Variants in PPIL6 observed in about 807,000 individuals in gnomAD.
The protein encoded by PPIL6 is peptidylprolyl isomerase like 6.
A neutral mutation model predicts 36.8 loss-of-function variants in PPIL6; 39 were observed. That is an observed-to-expected ratio of 1.06 (90% CI 0.82 to 1.38). The LOEUF (loss-of-function observed/expected upper bound fraction) is 1.38, where lower values mean the gene tolerates loss of function less well. Among genes scored for constraint, PPIL6 ranks in the 40% most tolerant of loss-of-function variants. PPIL6 has a pLI of 0.00. For synonymous variants in PPIL6, 123 were observed against 134.1 expected (o/e 0.92, Z 0.57); for missense variants, 368 against 379.1 (o/e 0.97, Z 0.24).
chr6:109,420,100 G>A (rs575268694), intron 5 of PPIL6, among the ~76,000 whole-genome samples: 2 of 151,970 alleles, frequency 1.3e-5, no homozygotes, highest in African/African-American at 4.8e-5. Context: ...TTGGGAGGCC[G>A]AAGCAGGCAA....
chr6:109,410,858 A>G (rs1772985846), intron 6 of PPIL6, among the ~76,000 whole-genome samples: 1 of 152,138 alleles, frequency 6.6e-6, no homozygotes, highest in Non-Finnish European at 1.5e-5. Context: ...AGGTGGGAGT[A>G]CTGCCCCCTT....
At chr6:109,406,893 T>C (rs116978190) in intron 6 of PPIL6, among the ~76,000 whole-genome samples, 2,704 of 152,282 alleles carry the variant, frequency 0.018, 63 homozygotes, top group East Asian at 0.069. Flanking sequence ...CCTCTTCAAA[T>C]TGGCTCCTGA....
chr6:109,436,026 T>C, intron 2 of PPIL6, 78 bp downstream of exon 2: 1 of 799,700 alleles, frequency 1.3e-6, no homozygotes, highest in Non-Finnish European at 2.2e-6. Context: ...TCTTTCAGTT[T>C]TTCCAAAACA....
intron 6 of PPIL6, among the ~76,000 whole-genome samples, chr6:109,416,498 T>C (rs1773260963): frequency 7.1e-6 from 1 of 140,940 alleles, no homozygotes; most frequent in Non-Finnish European, 1.5e-5. Context: ...CCACTGCGCC[T>C]GGCCTTTTTG....
intron 2 of PPIL6, among the ~76,000 whole-genome samples, chr6:109,432,261 A>G (rs1774197777): frequency 6.6e-6 from 1 of 152,184 alleles, no homozygotes. Context: ...ACGAGGGTCA[A>G]CAGGGATTTC....
intron 2 of PPIL6, among the ~76,000 whole-genome samples, chr6:109,432,617 A>C (rs974560250): frequency 6.6e-6 from 1 of 152,062 alleles, no homozygotes; most frequent in African/African-American, 2.4e-5. Context: ...ATGGTGCCTG[A>C]GAATTTGCAT....
chr6:109,440,373 A>G lies in PPIL6; in HGVS notation c.135+83T>C, dbSNP rs1438360631. The G allele has an allele frequency of 4.1e-6, 6 of 1,467,184 alleles. No individual in the cohort carries two copies. In the African/African-American group the frequency reaches 4.3e-5, roughly 11 times the overall value. 90.9% of individuals were successfully genotyped at this position (1,467,184 alleles called of 1,614,324 possible). A position where few individuals can be genotyped will look rare whatever the true frequency, so the allele number is the denominator to read the frequency against. On this transcript the variant is annotated intron_variant, in intron 1 of 7. Coordinates refer to ENST00000521072, the MANE Select transcript of PPIL6 (RefSeq NM_173672.5). ...TGGGGCCTCGACCCCCGCCGCCTCG[A>G]GGAGGCGCGGCGCCTGCAGTCCACG...
At chr6:109,437,411 G>C (rs1348696778) in intron 1 of PPIL6, among the ~76,000 whole-genome samples, 4 of 152,092 alleles carry the variant, frequency 2.6e-5, no homozygotes, top group African/African-American at 9.7e-5. Context: ...GCCTACTTTG[G>C]GAATACTCAT....
chr6:109,439,307 T>C (rs796405621), intron 1 of PPIL6, among the ~76,000 whole-genome samples: 7 of 152,340 alleles, frequency 4.6e-5, no homozygotes, highest in African/African-American at 1.7e-4. Context: ...ATTTCTACTT[T>C]TGATGATTCA....
At chr6:109,434,194 C>G (rs530345102) in intron 2 of PPIL6, among the ~76,000 whole-genome samples, 4 of 152,214 alleles carry the variant, frequency 2.6e-5, no homozygotes, top group Non-Finnish European at 4.4e-5. Flanking sequence ...ATTCCCACAT[C>G]CTAGGAAACC....
intron 2 of PPIL6, among the ~76,000 whole-genome samples, chr6:109,435,701 G>T (rs894030651): frequency 6.6e-6 from 1 of 152,150 alleles, no homozygotes; most frequent in African/African-American, 2.4e-5. Flanking sequence ...GAGGTGGGTG[G>T]ATCACTTGAG....
chr6:109,419,347 G>A, intron 5 of PPIL6, 104 bp from the exon 6 acceptor site: 1 of 720,412 alleles, frequency 1.4e-6, no homozygotes, highest in Non-Finnish European at 2.5e-6. Flanking sequence ...TTTCAAGGCT[G>A]AGGTGGGATG....
At position 109,431,247 on chromosome 6, in the gene PPIL6, G is replaced by T; in HGVS notation, c.330C>A (p.His110Gln). 1.2e-6 allele frequency: 2 copies of T among 1,613,358 alleles called. No individual in the cohort carries two copies. The highest frequency in any genetic ancestry group is 1.7e-6 in the Non-Finnish European group (2 of 1,179,634). Residue 110 changes from histidine to glutamine, a missense_variant, in exon 3 of 8, where the codon CAC (histidine) becomes CAA (glutamine). By Grantham distance (24) the His-to-Gln change is conservative. Transcript: ENST00000521072. Reference sequence around the variant, plus strand: ...TAATGTCAACTATATCCCACACCTCGTGGGCCCATTTCTGCAGATCCAATG... The same window carrying T: ...TAATGTCAACTATATCCCACACCTCTTGGGCCCATTTCTGCAGATCCAATG... ...GDALDLQKWA[H>Q]EVWDIVDIKP...
At chr6:109,419,299 C>T in intron 5 of PPIL6, 56 bp from the exon 6 acceptor site, 1 of 1,187,132 alleles carries the variant, frequency 8.4e-7, no homozygotes, top group African/African-American at 1.5e-5. Context: ...ATTTAGGATA[C>T]AATAATGACA....
intron 6 of PPIL6, among the ~76,000 whole-genome samples, chr6:109,404,581 G>T (rs946558406): frequency 6.6e-6 from 1 of 152,196 alleles, no homozygotes; most frequent in Non-Finnish European, 1.5e-5. Context: ...GTAGAAACTC[G>T]GTTATACCAT....
intron 6 of PPIL6, among the ~76,000 whole-genome samples, chr6:109,401,728 C>T (rs921874170): frequency 6.8e-6 from 1 of 146,072 alleles, no homozygotes; most frequent in Non-Finnish European, 1.5e-5. Context: ...GAGAGTTTTT[C>T]TTTTTTTTTT....
Position 109,440,529 on chromosome 6 carries a change from T to C in PPIL6, c.62A>G (p.Glu21Gly), listed in dbSNP as rs1774787188. The C allele has an allele frequency of 3.3e-6, 5 of 1,493,976 alleles. No individual in the cohort carries two copies. Among genetic ancestry groups the C allele is most frequent in the Non-Finnish European group, 4.4e-6 (5 of 1,123,782 alleles). 92.5% of individuals were successfully genotyped at this position (1,493,976 alleles called of 1,614,324 possible). A position where few individuals can be genotyped will look rare whatever the true frequency, so the allele number is the denominator to read the frequency against. ...HARCGSPSLP[E>G]RPLQVKVVGL... Reference sequence around the variant, plus strand: ...CACCACCTTCACCTGCAGCGGCCGCTCCGGCAGCGACGGCGAGCCGCACCT... The same window carrying C: ...CACCACCTTCACCTGCAGCGGCCGCCCCGGCAGCGACGGCGAGCCGCACCT... Residue 21 changes from glutamate to glycine, a missense_variant, in exon 1 of 8, where the codon GAG becomes GGG. By Grantham distance (98) the Glu-to-Gly change is moderately conservative. Coordinates refer to ENST00000521072, the MANE Select transcript of PPIL6 (RefSeq NM_173672.5).
At chr6:109,405,890 C>A (rs1772779991) in intron 6 of PPIL6, among the ~76,000 whole-genome samples, 1 of 152,172 alleles carries the variant, frequency 6.6e-6, no homozygotes, top group Non-Finnish European at 1.5e-5. Context: ...GTTTCGTGAC[C>A]ATTTAACATA....
intron 6 of PPIL6, among the ~76,000 whole-genome samples, chr6:109,409,811 A>C (rs1772944564): frequency 6.6e-6 from 1 of 152,252 alleles, no homozygotes; most frequent in South Asian, 2.1e-4. Flanking sequence ...GAATTAACCA[A>C]AGTGAAAAAT....
Sources: gnomAD v4.1 joint callset for allele counts (sites outside exome capture counted in the v4.1 genomes callset) on GRCh38, gnomAD v4.1.1 for gene constraint, MANE v1.5 for transcripts, NCBI Gene and HGNC (gene_info 2026-07-23, HGNC 2026-07-21) for gene names.